Variants in DECR1 observed in about 807,000 individuals in gnomAD.
DECR1 encodes the protein 2,4-dienoyl-CoA reductase [(3E)-enoyl-CoA-producing], mitochondrial.
In DECR1, 44 loss-of-function variants were observed where a neutral mutation model predicts 38.8. That is an observed-to-expected ratio of 1.13 (90% CI 0.89 to 1.46). DECR1 has a LOEUF of 1.46. DECR1 is among the 40% of genes most tolerant of loss of function. The pLI is 0.00. For missense variants in DECR1, 428 were observed against 405.5 expected (o/e 1.06, Z -0.48); for synonymous variants, 148 against 135.2 (o/e 1.09, Z -0.66).
chr8:90,010,841 A>T (rs79421405), intron 1 of DECR1, among the ~76,000 whole-genome samples: 1 of 152,242 alleles, frequency 6.6e-6, no homozygotes, highest in East Asian at 1.9e-4. Flanking sequence ...TGTCCTTATC[A>T]TGAAATTGAT....
At position 90,042,710 on chromosome 8, in the gene DECR1, G is replaced by GT. The variant is rs754527990; in HGVS notation, c.666-16dup. 1 of 1,605,152 alleles carries GT rather than the reference G, an allele frequency of 6.2e-7. No homozygotes were observed. The highest frequency in any genetic ancestry group is 1.1e-5 in the South Asian group (1 of 90,864). On this transcript the variant is annotated splice_polypyrimidine_tract_variant and intron_variant, in intron 6 of 9. Coordinates refer to ENST00000220764, the MANE Select transcript of DECR1 (RefSeq NM_001359.2). ...GGTATAATATTTCAGAATGTATGTT[G>GT]TTGATTTTAATTTTTAGGTCTCTTG...
At chr8:90,027,921 A>T (rs997841090) in intron 5 of DECR1, among the ~76,000 whole-genome samples, 15 of 152,232 alleles carry the variant, frequency 9.9e-5, no homozygotes, top group East Asian at 1.9e-4. Flanking sequence ...TCCTAGGCTG[A>T]ATCTTCCTTC....
intron 8 of DECR1, among the ~76,000 whole-genome samples, chr8:90,047,284 A>T (rs964271000): frequency 6.6e-6 from 1 of 152,150 alleles, no homozygotes; most frequent in African/African-American, 2.4e-5. Context: ...TATTTAGGAG[A>T]CCCATCTCAC....
intron 1 of DECR1, chr8:90,005,156 G>A (rs1214077662): frequency 1.4e-5 from 5 of 351,574 alleles, no homozygotes; most frequent in Non-Finnish European, 5.6e-6. Flanking sequence ...CAAGTGGTTT[G>A]TTTGGTATTG....
chr8:90,044,779 T>C, intron 7 of DECR1, 70 bp from the exon 8 acceptor site: 1 of 1,515,504 alleles, frequency 6.6e-7, no homozygotes, highest in Non-Finnish European at 8.9e-7. Flanking sequence ...TTTATACACA[T>C]TTTTTCTTGA....
chr8:90,034,408 C>T (rs1349030914), intron 5 of DECR1, among the ~76,000 whole-genome samples: 1 of 151,856 alleles, frequency 6.6e-6, no homozygotes, highest in Admixed American at 6.6e-5. Flanking sequence ...TAAAGATTAC[C>T]CTTTTAAGCC....
chr8:90,048,389 C>A (rs1813969162), intron 8 of DECR1, among the ~76,000 whole-genome samples: 1 of 152,130 alleles, frequency 6.6e-6, no homozygotes, highest in Non-Finnish European at 1.5e-5. Context: ...AAACTCCCAT[C>A]AGAGAATACT....
chr8:90,038,052 T>C lies in DECR1; in HGVS notation c.665+1112T>C, dbSNP rs150545452. 2.8e-3 allele frequency among the ~76,000 whole-genome samples: 427 copies of C among 152,330 alleles called. 3 individuals carry two copies. The highest frequency in any genetic ancestry group is 9.9e-3 in the African/African-American group (412 of 41,580). On this transcript the variant is annotated intron_variant, in intron 6 of 9. Transcript: ENST00000220764. ...CTTGTCTCTGGCCATTGTTAATTAA[T>C]TTATTTATTCAATAAATATTTATTG...
intron 4 of DECR1, 135 bp from the exon 5 acceptor site, chr8:90,020,774 G>T (rs996790845): frequency 1.7e-6 from 1 of 591,830 alleles, no homozygotes; most frequent in Non-Finnish European, 2.6e-6. Flanking sequence ...AAATCTCATG[G>T]TATTGTTTCG....
At chr8:90,048,126 T>C (rs1193773322) in intron 8 of DECR1, among the ~76,000 whole-genome samples, 1 of 151,978 alleles carries the variant, frequency 6.6e-6, no homozygotes, top group Admixed American at 6.6e-5. Flanking sequence ...TTAAAAGAAC[T>C]AGAGAAGCAA....
chr8:90,021,122 T>C, intron 5 of DECR1, 66 bp downstream of exon 5: 2 of 1,326,842 alleles, frequency 1.5e-6, no homozygotes, highest in East Asian at 2.6e-5. Flanking sequence ...TGGTAAGCTC[T>C]GTGATACTTT....
intron 1 of DECR1, among the ~76,000 whole-genome samples, chr8:90,007,383 A>G (rs1434215680): frequency 6.6e-6 from 1 of 152,194 alleles, no homozygotes; most frequent in Non-Finnish European, 1.5e-5. Context: ...TTAAAAGATG[A>G]CACAGAATAG....
At chr8:90,027,605 T>A (rs567723061) in intron 5 of DECR1, among the ~76,000 whole-genome samples, 1 of 152,260 alleles carries the variant, frequency 6.6e-6, no homozygotes, top group East Asian at 1.9e-4. Context: ...TTTGAGCCTA[T>A]GTGTGTCTCT....
At chr8:90,002,200 G>A (rs1014012936) in intron 1 of DECR1, among the ~76,000 whole-genome samples, 11 of 152,226 alleles carry the variant, frequency 7.2e-5, no homozygotes, top group Non-Finnish European at 1.5e-4. Flanking sequence ...AGTGAGAGGG[G>A]ATCAGGCCGA....
chr8:90,005,330 A>AT (rs1563611791), intron 1 of DECR1: 1 of 456,290 alleles, frequency 2.2e-6, no homozygotes, highest in Admixed American at 2.3e-5. Context: ...AGAAGAGCTG[A>AT]TTCCTGCTGT....
intron 5 of DECR1, among the ~76,000 whole-genome samples, chr8:90,023,815 T>C (rs1308422723): frequency 1.3e-5 from 2 of 152,042 alleles, no homozygotes; most frequent in Non-Finnish European, 2.9e-5. Flanking sequence ...TGTGCTGCAC[T>C]CATTAACTCA....
At chr8:90,008,165 A>G (rs1812789871) in intron 1 of DECR1, among the ~76,000 whole-genome samples, 1 of 152,204 alleles carries the variant, frequency 6.6e-6, no homozygotes, top group Non-Finnish European at 1.5e-5. Context: ...TGCAGAACTC[A>G]TTATCCTCAA....
intron 1 of DECR1, 52 bp from the exon 2 acceptor site, chr8:90,017,072 C>A (rs1446750040): frequency 2.3e-6 from 3 of 1,317,880 alleles, no homozygotes; most frequent in East Asian, 2.3e-5. Flanking sequence ...AAAAATTCAT[C>A]TGTTTTTTGG....
chr8:90,038,387 A>G (rs149725538), intron 6 of DECR1, among the ~76,000 whole-genome samples: 1 of 152,062 alleles, frequency 6.6e-6, no homozygotes, highest in East Asian at 1.9e-4. Context: ...ACAAACACTA[A>G]TAAATAGATT....
Sources: allele counts gnomAD v4.1 joint callset (sites outside exome capture counted in the v4.1 genomes callset), GRCh38; gene constraint gnomAD v4.1.1; transcripts MANE v1.5; gene names NCBI Gene and HGNC (gene_info 2026-07-23, HGNC 2026-07-21).